The following NEDD8 variants were observed in gnomAD, a reference collection of about 807,000 sequenced individuals.
The protein encoded by NEDD8 is NEDD8 ubiquitin like modifier, also known as ubiquitin-like protein NEDD8.
NEDD8 carries 1 observed loss-of-function variant against 13.8 expected under a neutral mutation model. The ratio of observed to expected loss-of-function variants is 0.07; its 90% CI spans 0.03 to 0.34. NEDD8 has a LOEUF of 0.34. NEDD8 is among the 10% of genes least tolerant of loss of function. The pLI is 0.99. For synonymous variants in NEDD8, 31 were observed against 33.2 expected (o/e 0.93, Z 0.23); for missense variants, 10 against 95.2 (o/e 0.10, Z 3.73).
intron 1 of NEDD8, among the ~76,000 whole-genome samples, chr14:24,223,986 A>G (rs1051869419): frequency 5.3e-5 from 8 of 151,786 alleles, no homozygotes; most frequent in African/African-American, 1.2e-4. Context: ...GGAGTGCAGT[A>G]GCACGATCTC....
intron 1 of NEDD8, among the ~76,000 whole-genome samples, chr14:24,231,400 G>A (rs2040014847): frequency 6.8e-6 from 1 of 147,562 alleles, no homozygotes; most frequent in African/African-American, 2.5e-5. Context: ...ATGCTAAGAA[G>A]CTGATGAAAT....
At chr14:24,220,784 T>G (rs8011199) in intron 1 of NEDD8, among the ~76,000 whole-genome samples, 18,994 of 152,206 alleles carry the variant, frequency 0.12, 3,491 homozygotes, top group African/African-American at 0.41. Flanking sequence ...AAAGTAGAGA[T>G]TGGATCCAGA....
intron 1 of NEDD8, among the ~76,000 whole-genome samples, chr14:24,224,134 T>G (rs1274674617): frequency 2.0e-5 from 3 of 152,196 alleles, no homozygotes; most frequent in Non-Finnish European, 4.4e-5. Context: ...TTTCACTGTG[T>G]TAGCCAGGAT....
intron 1 of NEDD8, among the ~76,000 whole-genome samples, chr14:24,222,679 AT>A (rs1167292741): frequency 6.6e-6 from 1 of 152,230 alleles, no homozygotes; most frequent in African/African-American, 2.4e-5. Flanking sequence ...AAATTTTAAT[AT>A]TTTTAAACCC....
chr14:24,229,386 A>C (rs997773867), intron 1 of NEDD8, among the ~76,000 whole-genome samples: 1 of 152,042 alleles, frequency 6.6e-6, no homozygotes, highest in African/African-American at 2.4e-5. Flanking sequence ...CACTCGGCTA[A>C]TTTTTGTATT....
chr14:24,220,526 T>G, intron 1 of NEDD8, among the ~76,000 whole-genome samples: 1 of 152,148 alleles, frequency 6.6e-6, no homozygotes. Context: ...AGTTCTGTGT[T>G]GCTCAGGCTG....
rs564162399 is a variant in NEDD8, at chr14:24,227,683, T to A, written c.18+4567A>T. ...GGATATGGCTTATGACAGAAGATGA[T>A]GCATTTAATTTTAGAACCATAGAGA... On this transcript the variant is annotated intron_variant, in intron 1 of 3. Transcript: ENST00000250495. 6.6e-5 allele frequency: 10 copies of A among 152,354 alleles called. No individual in the cohort carries two copies. The East Asian group carries it at 1.9e-3, about 29-fold the overall frequency. The allele number at this position is 152,354 out of a possible 1,614,324, so 9.4% of individuals were successfully genotyped here.
chr14:24,220,068 G>A (rs748548997), intron 1 of NEDD8, among the ~76,000 whole-genome samples: 1 of 152,210 alleles, frequency 6.6e-6, no homozygotes, highest in Non-Finnish European at 1.5e-5. Context: ...GAACCCAGGA[G>A]GCAGAAGTTG....
At chr14:24,228,801 T>C (rs563168023) in intron 1 of NEDD8, 7 of 151,862 alleles carry the variant, frequency 4.6e-5, no homozygotes, top group South Asian at 4.2e-4. Flanking sequence ...TTTTCTTTTT[T>C]AAATTAATAT....
In NEDD8 at chr14:24,227,449, T is replaced by C. The variant is rs562377167; in HGVS notation, c.18+4801A>G. 4.6e-5 allele frequency: 7 copies of C among 152,312 alleles called. No individual in the cohort carries two copies. In the South Asian group the frequency reaches 1.5e-3, roughly 32 times the overall value. The allele number at this position is 152,312 out of a possible 1,614,324, so 9.4% of individuals were successfully genotyped here. A position where few individuals can be genotyped will look rare whatever the true frequency, so the allele number is the denominator to read the frequency against. On this transcript the variant is annotated intron_variant, in intron 1 of 3. Transcript: ENST00000250495. Reference sequence around the variant, plus strand: ...GGATATGACGGTAGGAAAACCTGGTTGGATGTATTACAGAGACATAAACAT... The same window carrying C: ...GGATATGACGGTAGGAAAACCTGGTCGGATGTATTACAGAGACATAAACAT...
At position 24,218,174 on chromosome 14, in the gene NEDD8, G is replaced by T. The variant is rs1566664175; in HGVS notation, c.108C>A (p.Ile36=). 6.2e-7 allele frequency: 1 copy of T among 1,614,088 alleles called. No homozygotes were observed. The highest frequency in any genetic ancestry group is 2.2e-5 in the East Asian group (1 of 44,874). The change falls in exon 3 of 4, where the codon ATC becomes ATA. Residue 36 remains isoleucine (I), a synonymous_variant. Coordinates refer to ENST00000250495, the MANE Select transcript of NEDD8 (RefSeq NM_006156.3). ...IKERVEEKEG[I]PPQQQRLIYS... ...AGATGAGCCTCTGCTGTTGTGGGGG[G>T]ATTCCCTCTTTCTCCTCCACACGCT...
intron 1 of NEDD8, among the ~76,000 whole-genome samples, chr14:24,225,304 TA>T (rs1298848731): frequency 1.3e-5 from 2 of 151,476 alleles, no homozygotes; most frequent in African/African-American, 2.4e-5. Flanking sequence ...TGAAAACACA[TA>T]AACCAATGGC....
intron 1 of NEDD8, among the ~76,000 whole-genome samples, chr14:24,221,673 C>G (rs1405370616): frequency 6.6e-6 from 1 of 152,142 alleles, no homozygotes; most frequent in African/African-American, 2.4e-5. Context: ...TCAGCTCACC[C>G]TGCAACCTCT....
intron 1 of NEDD8, among the ~76,000 whole-genome samples, chr14:24,231,091 A>C (rs1429043267): frequency 6.6e-6 from 1 of 151,788 alleles, no homozygotes; most frequent in African/African-American, 2.4e-5. Flanking sequence ...GGGTTTCGCC[A>C]TGTTGCCCAG....
chr14:24,225,224 TCAAAC>T (rs2039872850), intron 1 of NEDD8, among the ~76,000 whole-genome samples: 1 of 149,460 alleles, frequency 6.7e-6, no homozygotes, highest in South Asian at 2.1e-4. Context: ...TCAGCAAAAT[TCAAAC>T]TGCAGGAAAC....
intron 1 of NEDD8, among the ~76,000 whole-genome samples, chr14:24,222,819 T>G (rs186251336): frequency 6.6e-6 from 1 of 152,114 alleles, no homozygotes; most frequent in African/African-American, 2.4e-5. Context: ...CTGGGTGCGG[T>G]GGCTCACACC....
chr14:24,223,174 G>A (rs1448123251), intron 1 of NEDD8, among the ~76,000 whole-genome samples: 1 of 151,848 alleles, frequency 6.6e-6, no homozygotes, highest in Non-Finnish European at 1.5e-5. Flanking sequence ...AGGGGATGTG[G>A]GAGTACTGCT....
chr14:24,216,880 T>G lies in NEDD8; in HGVS notation c.*247A>C. 2.3e-6 allele frequency: 1 copy of G among 443,910 alleles called. No individual in the cohort carries two copies. Among genetic ancestry groups the G allele is most frequent in the Non-Finnish European group, 4.1e-6 (1 of 244,390 alleles). 27.5% of individuals were successfully genotyped at this position (443,910 alleles called of 1,614,324 possible). A position where few individuals can be genotyped will look rare whatever the true frequency, so the allele number is the denominator to read the frequency against. On this transcript the variant is annotated 3_prime_UTR_variant, in exon 4 of 4. Coordinates refer to ENST00000250495, the MANE Select transcript of NEDD8 (RefSeq NM_006156.3). ...GATTCCAGGAGGCCAGGAAATATTT[T>G]ATTGACAACCAGGGACACAGTCATA...
At chr14:24,225,767 G>C (rs537416725) in intron 1 of NEDD8, among the ~76,000 whole-genome samples, 1 of 152,246 alleles carries the variant, frequency 6.6e-6, no homozygotes, top group African/African-American at 2.4e-5. Context: ...GACAGGGCGC[G>C]GTGGCTCACG....
Sources: gnomAD v4.1 joint callset for allele counts (sites outside exome capture counted in the v4.1 genomes callset) on GRCh38, gnomAD v4.1.1 for gene constraint, MANE v1.5 for transcripts, NCBI Gene and HGNC (gene_info 2026-07-23, HGNC 2026-07-21) for gene names.